The following PIK3AP1 variants were observed in gnomAD, a reference collection of about 807,000 sequenced individuals.
The protein encoded by PIK3AP1 is phosphoinositide-3-kinase adaptor protein 1.
Under a neutral mutation model 88.1 loss-of-function variants are expected in PIK3AP1, and 21 were observed. The observed-to-expected ratio is 0.24, with a 90% CI of 0.17 to 0.34. The LOEUF (loss-of-function observed/expected upper bound fraction) is 0.34, where lower values mean the gene tolerates loss of function less well. Among genes scored for constraint, PIK3AP1 ranks in the 10% least tolerant of loss-of-function variants. The pLI is 1.00. For synonymous variants in PIK3AP1, 398 were observed against 400.0 expected, an observed-to-expected ratio of 1.00 and a Z score of 0.06; for missense variants, 828 against 1,035.7, an observed-to-expected ratio of 0.80 and a Z score of 2.75.
rs573791044 is a variant in PIK3AP1, at chr10:96,690,309, G to A, written c.430+19258C>T. ...GTCTCGCTCTGTCACCCATACTGGA[G>A]AGAAGTGCAGTGGTGCAATCACAGC... On this transcript the variant is annotated intron_variant, in intron 2 of 16. Coordinates refer to ENST00000339364, the MANE Select transcript of PIK3AP1 (RefSeq NM_152309.3). Among the ~76,000 whole-genome samples the A allele has an allele frequency of 1.7e-3, 265 of 152,260 alleles. 2 individuals are homozygous for A. The highest frequency in any genetic ancestry group is 3.4e-3 in the Non-Finnish European group (228 of 68,008).
chr10:96,686,363 C>T (rs1844067961), intron 2 of PIK3AP1, among the ~76,000 whole-genome samples: 1 of 152,176 alleles, frequency 6.6e-6, no homozygotes. Flanking sequence ...GTGGGCCCTG[C>T]TCCTACTGGA....
Position 96,680,478 on chromosome 10 carries a change from T to C in PIK3AP1, c.431-23544A>G, listed in dbSNP as rs540695708. Reference sequence around the variant, plus strand: ...TCCTCCCACCCTCCACCCTCAGGAATGCCCTGGTGTCTGTTTCTCCCCTCT... The same window carrying C: ...TCCTCCCACCCTCCACCCTCAGGAACGCCCTGGTGTCTGTTTCTCCCCTCT... On this transcript the variant is annotated intron_variant, in intron 2 of 16. Coordinates refer to ENST00000339364, the MANE Select transcript of PIK3AP1 (RefSeq NM_152309.3). Among the ~76,000 whole-genome samples the C allele has an allele frequency of 2.6e-4, 39 of 152,272 alleles. 1 individual carries two copies. Among genetic ancestry groups the C allele is most frequent in the African/African-American group, 8.4e-4 (35 of 41,558 alleles).
At chr10:96,649,151 A>G (rs1843501905) in intron 6 of PIK3AP1, among the ~76,000 whole-genome samples, 1 of 152,008 alleles carries the variant, frequency 6.6e-6, no homozygotes, top group Non-Finnish European at 1.5e-5. Context: ...GTTTCAAGTG[A>G]TTCTCTCGCC....
At chr10:96,645,969 C>T (rs561299916) in intron 7 of PIK3AP1, among the ~76,000 whole-genome samples, 1 of 152,292 alleles carries the variant, frequency 6.6e-6, no homozygotes, top group East Asian at 1.9e-4. Context: ...TTAAAAATTA[C>T]TTTCCCATGG....
intron 2 of PIK3AP1, among the ~76,000 whole-genome samples, chr10:96,685,712 G>A (rs1167318572): frequency 6.6e-6 from 1 of 152,202 alleles, no homozygotes; most frequent in Non-Finnish European, 1.5e-5. Flanking sequence ...GGCCAACTGA[G>A]TTCCTTCATA....
At chr10:96,694,000 T>G (rs917901308) in intron 2 of PIK3AP1, among the ~76,000 whole-genome samples, 5 of 152,206 alleles carry the variant, frequency 3.3e-5, no homozygotes, top group African/African-American at 1.2e-4. Flanking sequence ...GCCAAGCATG[T>G]AACATTTGCC....
chr10:96,617,550 T>C (rs1341826120), intron 12 of PIK3AP1, among the ~76,000 whole-genome samples: 4 of 151,948 alleles, frequency 2.6e-5, no homozygotes, highest in Non-Finnish European at 5.9e-5. Context: ...AAGGTTCTAG[T>C]GAACTAGAGA....
chr10:96,711,060 A>G (rs1170184088), intron 1 of PIK3AP1, among the ~76,000 whole-genome samples: 1 of 152,200 alleles, frequency 6.6e-6, no homozygotes, highest in Non-Finnish European at 1.5e-5. Context: ...TTCCTCTAAC[A>G]AAGCACAAAT....
chr10:96,622,364 C>T (rs1564958644), intron 11 of PIK3AP1, among the ~76,000 whole-genome samples: 3 of 152,342 alleles, frequency 2.0e-5, no homozygotes, highest in Admixed American at 1.3e-4. Flanking sequence ...CATGGGGCCA[C>T]TGAGGCAACT....
intron 2 of PIK3AP1, among the ~76,000 whole-genome samples, chr10:96,686,638 C>A (rs1844072237): frequency 6.6e-6 from 1 of 152,164 alleles, no homozygotes; most frequent in African/African-American, 2.4e-5. Flanking sequence ...GATATTCACC[C>A]AGTCAGCCCT....
chr10:96,595,515 A>G lies in PIK3AP1; in HGVS notation c.*62T>C, dbSNP rs1848739076. On this transcript the variant is annotated 3_prime_UTR_variant, in exon 17 of 17. Transcript: ENST00000339364. ...CTATAAAACTCAACATGAAGACATC[A>G]TTAACAGGCTGAAGACTGTGAGTCT... 2 of 1,507,838 alleles carry G rather than the reference A, an allele frequency of 1.3e-6. No individual in the cohort carries two copies. The highest frequency in any genetic ancestry group is 9.2e-7 in the Non-Finnish European group (1 of 1,085,432). The allele number at this position is 1,507,838 out of a possible 1,614,324, so 93.4% of individuals were successfully genotyped here.
At chr10:96,597,869 C>G (rs1235929119) in intron 16 of PIK3AP1, among the ~76,000 whole-genome samples, 1 of 152,164 alleles carries the variant, frequency 6.6e-6, no homozygotes, top group Non-Finnish European at 1.5e-5. Context: ...TTCCTCCCAG[C>G]CCCTCTTCCG....
At chr10:96,712,813 G>A (rs534265550) in intron 1 of PIK3AP1, among the ~76,000 whole-genome samples, 2 of 152,222 alleles carry the variant, frequency 1.3e-5, no homozygotes, top group Non-Finnish European at 2.9e-5. Context: ...GCTGTGCAAG[G>A]AGCCTGGAGC....
chr10:96,698,028 C>T (rs1045043483), intron 2 of PIK3AP1, among the ~76,000 whole-genome samples: 3 of 152,154 alleles, frequency 2.0e-5, no homozygotes, highest in African/African-American at 7.2e-5. Flanking sequence ...TCTCTGAGGT[C>T]TGGATGGTAT....
chr10:96,720,303 C>A lies in PIK3AP1; in HGVS notation c.13+79G>T. On this transcript the variant is annotated intron_variant, in intron 1 of 16. Coordinates refer to ENST00000339364, the MANE Select transcript of PIK3AP1 (RefSeq NM_152309.3). This position sits in a 1 kb window ranked among gnomAD's most constrained non-coding sequence, Gnocchi z 4.6. Reference sequence around the variant, plus strand: ...CACAGAGGACGCAAACAGAAGCAAGCGGGGGAGCGCGCCTCAAGGGATGCG... The same window carrying A: ...CACAGAGGACGCAAACAGAAGCAAGAGGGGGAGCGCGCCTCAAGGGATGCG... 1.6e-6 allele frequency: 2 copies of A among 1,219,262 alleles called. No homozygotes were observed. Among genetic ancestry groups the A allele is most frequent in the Non-Finnish European group, 1.0e-6 (1 of 967,360 alleles). 75.5% of individuals were successfully genotyped at this position (1,219,262 alleles called of 1,614,324 possible). A position where few individuals can be genotyped will look rare whatever the true frequency, so the allele number is the denominator to read the frequency against.
At chr10:96,605,478 G>T (rs1266376056) in intron 14 of PIK3AP1, among the ~76,000 whole-genome samples, 1 of 151,858 alleles carries the variant, frequency 6.6e-6, no homozygotes, top group Non-Finnish European at 1.5e-5. Context: ...CAGAGAAGAA[G>T]AAAAAATAAG....
chr10:96,615,481 G>A (rs1430008057), intron 13 of PIK3AP1, among the ~76,000 whole-genome samples: 5 of 152,168 alleles, frequency 3.3e-5, no homozygotes, highest in East Asian at 1.9e-4. Flanking sequence ...CATAGGAGAT[G>A]GTTAGAAATG....
intron 2 of PIK3AP1, among the ~76,000 whole-genome samples, chr10:96,671,300 T>C (rs970002070): frequency 6.6e-6 from 1 of 152,206 alleles, no homozygotes; most frequent in Admixed American, 6.5e-5. Context: ...TAAGTTTCAA[T>C]AACCCTCACC....
At chr10:96,625,347 G>A (rs1467434050) in intron 10 of PIK3AP1, among the ~76,000 whole-genome samples, 1 of 152,162 alleles carries the variant, frequency 6.6e-6, no homozygotes, top group East Asian at 1.9e-4. Flanking sequence ...AATGAGCACA[G>A]AAATGCAAAG....
Sources: allele counts gnomAD v4.1 joint callset (sites outside exome capture counted in the v4.1 genomes callset), GRCh38; gene constraint gnomAD v4.1.1; non-coding constraint Gnocchi (gnomAD v3.1); transcripts MANE v1.5; gene names NCBI Gene and HGNC (gene_info 2026-07-23, HGNC 2026-07-21).